Variants in DHRSX observed in about 807,000 individuals in gnomAD.
DHRSX encodes the protein polyprenol dehydrogenase.
Under a neutral mutation model 34.0 loss-of-function variants are expected in DHRSX, and 31 were observed. The observed-to-expected ratio is 0.91, with a 90% CI of 0.69 to 1.23. The LOEUF (loss-of-function observed/expected upper bound fraction) is 1.23, where lower values mean the gene tolerates loss of function less well. Ranked by LOEUF, DHRSX falls within the 50% of genes most tolerant of loss-of-function variation. The probability of loss-of-function intolerance (pLI) is 0.00; values close to 1 mark genes in which losing one functional copy is unlikely to be tolerated. For synonymous variants in DHRSX, 201 were observed against 183.8 expected (o/e 1.09, Z -0.76); for missense variants, 414 against 428.1 (o/e 0.97, Z 0.29).
chrX:2,346,085 T>C (rs765927182), intron 3 of DHRSX, among the ~76,000 whole-genome samples: 1 of 152,306 alleles, frequency 6.6e-6, no homozygotes, highest in African/African-American at 2.4e-5. Flanking sequence ...AGGAATTTCA[T>C]CCAGGAAAGC....
chrX:2,303,747 GATGGATTGGATAGATGGATGGATAA>G, intron 3 of DHRSX, among the ~76,000 whole-genome samples: 1 of 148,058 alleles, frequency 6.8e-6, no homozygotes, highest in African/African-American at 2.5e-5. Flanking sequence ...TGGATGGATG[GATGGATTGGATAGATGGATGGATAA>G]ATGGATGGAT....
intron 3 of DHRSX, among the ~76,000 whole-genome samples, chrX:2,330,099 A>T (rs1453866054): frequency 7.1e-5 from 1 of 14,110 alleles, no homozygotes; most frequent in Non-Finnish European, 1.3e-4. Context: ...GGGGGGAGGG[A>T]GGGAGAGAGA....
At chrX:2,403,071 C>A (rs754269908) in intron 3 of DHRSX, among the ~76,000 whole-genome samples, 2 of 151,832 alleles carry the variant, frequency 1.3e-5, no homozygotes, top group African/African-American at 4.8e-5. Context: ...TTAGTAGAGA[C>A]GGGGTTTCAC....
intron 1 of DHRSX, among the ~76,000 whole-genome samples, chrX:2,432,175 C>A (rs1434373787): frequency 2.0e-5 from 3 of 151,246 alleles, no homozygotes; most frequent in Non-Finnish European, 4.4e-5. Flanking sequence ...GCCAGGGCGA[C>A]AGAGCCAGAC....
intron 5 of DHRSX, among the ~76,000 whole-genome samples, chrX:2,255,095 G>C (rs1238886778): frequency 6.6e-6 from 1 of 151,824 alleles, no homozygotes; most frequent in Non-Finnish European, 1.5e-5. Flanking sequence ...CTCCTGAGTA[G>C]CTGGGACTAC....
chrX:2,377,992 C>A (rs1472635190), intron 3 of DHRSX, among the ~76,000 whole-genome samples: 2 of 152,212 alleles, frequency 1.3e-5, no homozygotes. Flanking sequence ...CCTGCCTCGG[C>A]CTCCCAAAGT....
At chrX:2,257,012 C>A (rs929231671) in intron 5 of DHRSX, among the ~76,000 whole-genome samples, 1 of 152,100 alleles carries the variant, frequency 6.6e-6, no homozygotes, top group East Asian at 1.9e-4. Context: ...TGCAGTGGTG[C>A]GATCTTGGCT....
chrX:2,342,953 G>C (rs543161933), intron 3 of DHRSX, among the ~76,000 whole-genome samples: 4 of 152,256 alleles, frequency 2.6e-5, no homozygotes, highest in Admixed American at 1.3e-4. Flanking sequence ...CAGAGCGGGA[G>C]CATGGCCATC....
intron 6 of DHRSX, among the ~76,000 whole-genome samples, chrX:2,230,843 T>C (rs754035335): frequency 2.6e-5 from 4 of 152,242 alleles, no homozygotes; most frequent in Non-Finnish European, 4.4e-5. Flanking sequence ...TGCCCGCCCC[T>C]ACAATCCCAA....
intron 3 of DHRSX, among the ~76,000 whole-genome samples, chrX:2,346,120 G>A (rs1414665657): frequency 6.6e-6 from 1 of 152,054 alleles, no homozygotes; most frequent in Non-Finnish European, 1.5e-5. Flanking sequence ...TAGACCCGAT[G>A]AATTTCTACT....
At chrX:2,272,856 A>C (rs1220905039) in intron 4 of DHRSX, among the ~76,000 whole-genome samples, 1 of 152,244 alleles carries the variant, frequency 6.6e-6, no homozygotes, top group South Asian at 2.1e-4. Context: ...AAGTGAATTC[A>C]TACAAGCTGT....
At position 2,258,479 on chromosome X, in the gene DHRSX, AGAG is replaced by A. The variant is rs1428826285; in HGVS notation, c.596+8258_596+8260del. On this transcript the variant is annotated intron_variant, in intron 5 of 6. Transcript: ENST00000334651. ...CTGAAATGGGCTAAGACACCTCATA[AGAG>A]GAGGAGATGAGGACACAGACACACA... Among the ~76,000 whole-genome samples, 8 of 152,140 alleles carry A rather than the reference AGAG, an allele frequency of 5.3e-5. No homozygotes were observed. In the South Asian group the frequency reaches 1.5e-3, roughly 28 times the overall value.
At chrX:2,379,180 G>C (rs55812435) in intron 3 of DHRSX, among the ~76,000 whole-genome samples, 2,099 of 152,160 alleles carry the variant, frequency 0.014, 48 homozygotes, top group African/African-American at 0.048. Context: ...CCCTCACGTG[G>C]CTTCAGAGTC....
At chrX:2,430,976 G>A (rs1367235248) in intron 1 of DHRSX, among the ~76,000 whole-genome samples, 1 of 151,914 alleles carries the variant, frequency 6.6e-6, no homozygotes, top group South Asian at 2.1e-4. Flanking sequence ...AGTGAGCTCC[G>A]ATCATACCAC....
intron 3 of DHRSX, among the ~76,000 whole-genome samples, chrX:2,313,758 A>G (rs996452276): frequency 8.5e-5 from 13 of 152,264 alleles, no homozygotes; most frequent in African/African-American, 2.4e-4. Flanking sequence ...ACGGCCCGTG[A>G]CACAGCCCTC....
intron 1 of DHRSX, chrX:2,490,404 C>T (rs1243315966): frequency 6.2e-6 from 10 of 1,613,816 alleles, no homozygotes; most frequent in African/African-American, 1.3e-5. Context: ...GCGTCCTGCC[C>T]GGGCTGCTGG....
intron 5 of DHRSX, among the ~76,000 whole-genome samples, chrX:2,263,648 G>A (rs893262510): frequency 5.3e-5 from 8 of 151,698 alleles, no homozygotes; most frequent in Non-Finnish European, 1.0e-4. Context: ...CGAGTAGCTG[G>A]GATTACAGGC....
intron 3 of DHRSX, among the ~76,000 whole-genome samples, chrX:2,386,120 G>A (rs1307634166): frequency 6.6e-6 from 1 of 151,826 alleles, no homozygotes; most frequent in East Asian, 1.9e-4. Flanking sequence ...GATCTAGATT[G>A]TCCTTGATGG....
intron 3 of DHRSX, among the ~76,000 whole-genome samples, chrX:2,321,940 T>C (rs182944569): frequency 2.0e-4 from 31 of 152,290 alleles, no homozygotes; most frequent in Non-Finnish European, 3.8e-4. Flanking sequence ...CTCTTCTCTA[T>C]GATTTTTAAA....
Sources: allele counts gnomAD v4.1 joint callset (sites outside exome capture counted in the v4.1 genomes callset), GRCh38; gene constraint gnomAD v4.1.1; transcripts MANE v1.5; gene names NCBI Gene and HGNC (gene_info 2026-07-23, HGNC 2026-07-21).